CDC42: variants seen among roughly 807,000 people sequenced by gnomAD.
CDC42 encodes cell division cycle 42.
A neutral mutation model predicts 20.8 loss-of-function variants in CDC42; 1 was observed. The observed-to-expected ratio is 0.05, with a 90% CI of 0.02 to 0.23. The LOEUF (loss-of-function observed/expected upper bound fraction) is 0.23, where lower values mean the gene tolerates loss of function less well. Ranked by LOEUF, CDC42 falls within the 10% of genes least tolerant of loss-of-function variation. The probability of loss-of-function intolerance (pLI) is 1.00; values close to 1 mark genes in which losing one functional copy is unlikely to be tolerated. For missense variants in CDC42, 49 were observed against 227.9 expected, an observed-to-expected ratio of 0.21 and a Z score of 5.05; for synonymous variants, 72 against 84.8, an observed-to-expected ratio of 0.85 and a Z score of 0.83.
chr1:22,071,105 G>A (rs972153228), intron 1 of CDC42, among the ~76,000 whole-genome samples: 13 of 145,896 alleles, frequency 8.9e-5, no homozygotes, highest in South Asian at 2.2e-4. Flanking sequence ...GTGCAGTGGC[G>A]CGGTCTCGGC....
intron 5 of CDC42, among the ~76,000 whole-genome samples, chr1:22,088,498 G>A (rs1645684995): frequency 6.6e-6 from 1 of 152,180 alleles, no homozygotes; most frequent in Non-Finnish European, 1.5e-5. Flanking sequence ...AGTCAAAAGA[G>A]GGGAAGTTAG....
chr1:22,091,365 T>C, intron 5 of CDC42, 63 bp from the exon 6 acceptor site: 1 of 1,055,896 alleles, frequency 9.5e-7, no homozygotes, highest in Non-Finnish European at 1.4e-6. Context: ...GTTTTAAATT[T>C]GAACTCCAAC....
chr1:22,084,252 C>T (rs1328925597), intron 3 of CDC42, among the ~76,000 whole-genome samples: 1 of 149,972 alleles, frequency 6.7e-6, no homozygotes, highest in Non-Finnish European at 1.5e-5. Context: ...TTGTTTTCCA[C>T]AGTGGCTGTC....
At chr1:22,065,912 C>T (rs1645418135) in intron 1 of CDC42, among the ~76,000 whole-genome samples, 1 of 152,010 alleles carries the variant, frequency 6.6e-6, no homozygotes, top group South Asian at 2.1e-4. Flanking sequence ...GTGTGCGCCA[C>T]CATGCCTGGC....
chr1:22,069,029 G>T (rs1335682103), intron 1 of CDC42, among the ~76,000 whole-genome samples: 2 of 152,156 alleles, frequency 1.3e-5, no homozygotes, highest in Admixed American at 1.3e-4. Flanking sequence ...GAATTGTGGG[G>T]TGTGCCTACG....
intron 1 of CDC42, among the ~76,000 whole-genome samples, chr1:22,068,065 G>A (rs1015218771): frequency 6.6e-6 from 1 of 152,078 alleles, no homozygotes; most frequent in African/African-American, 2.4e-5. Flanking sequence ...CTAGGTGACA[G>A]GGTGAGACCC....
At chr1:22,065,837 C>T (rs1263925841) in intron 1 of CDC42, among the ~76,000 whole-genome samples, 3 of 152,138 alleles carry the variant, frequency 2.0e-5, no homozygotes, top group African/African-American at 7.2e-5. Context: ...TCTCAGCTCA[C>T]TGCAACCTCC....
intron 1 of CDC42, among the ~76,000 whole-genome samples, chr1:22,077,762 T>C (rs1232095025): frequency 6.6e-6 from 1 of 152,230 alleles, no homozygotes; most frequent in African/African-American, 2.4e-5. Context: ...AGGAGGACTC[T>C]AGTAAGAGAA....
chr1:22,081,467 CCT>C (rs1479952673), intron 2 of CDC42, among the ~76,000 whole-genome samples: 2 of 152,204 alleles, frequency 1.3e-5, no homozygotes, highest in African/African-American at 4.8e-5. Context: ...TCCTGTGACA[CCT>C]CTAAACCTTC....
At chr1:22,088,517 G>A (rs1214994813) in intron 5 of CDC42, among the ~76,000 whole-genome samples, 1 of 152,202 alleles carries the variant, frequency 6.6e-6, no homozygotes, top group African/African-American at 2.4e-5. Flanking sequence ...AGAAAATGGG[G>A]TCTGTGGTTG....
intron 2 of CDC42, among the ~76,000 whole-genome samples, chr1:22,081,009 A>G (rs1387925501): frequency 6.6e-6 from 1 of 152,152 alleles, no homozygotes; most frequent in Non-Finnish European, 1.5e-5. Flanking sequence ...TCTCTACTAA[A>G]AATACAAAAA....
At chr1:22,086,007 G>A (rs911166781) in intron 3 of CDC42, among the ~76,000 whole-genome samples, 4 of 152,030 alleles carry the variant, frequency 2.6e-5, no homozygotes, top group African/African-American at 9.7e-5. Flanking sequence ...CACCACACCC[G>A]GCTAATTTTT....
In CDC42 at chr1:22,087,169, C is replaced by T. The variant is rs10917146; in HGVS notation, c.486+303C>T. Among the ~76,000 whole-genome samples the T allele has an allele frequency of 1.5e-4, 23 of 151,810 alleles. No homozygotes were observed. In the South Asian group the frequency reaches 4.2e-3, roughly 28 times the overall value. ...CAGATAAGCATAAACTTGCAAGAGA[C>T]GATGTGAATGATTTTTTTTTTTTCT... On this transcript the variant is annotated intron_variant, in intron 5 of 5. Transcript: ENST00000656825.
chr1:22,063,554 A>G, intron 1 of CDC42, among the ~76,000 whole-genome samples: 1 of 152,128 alleles, frequency 6.6e-6, no homozygotes, highest in East Asian at 1.9e-4. Flanking sequence ...TTGTGTCCTA[A>G]TTAGATAGAG....
chr1:22,089,930 C>T, intron 5 of CDC42: 4 of 1,612,806 alleles, frequency 2.5e-6, no homozygotes, highest in Non-Finnish European at 3.4e-6. Flanking sequence ...CTCTCCTCCC[C>T]TCTGTCTTGT....
chr1:22,072,032 T>C (rs1645497242), intron 1 of CDC42, among the ~76,000 whole-genome samples: 1 of 151,530 alleles, frequency 6.6e-6, no homozygotes, highest in East Asian at 1.9e-4. Flanking sequence ...CCATGGCCCT[T>C]CTTAGGTTTG....
chr1:22,088,710 T>A (rs1645687100), intron 5 of CDC42, among the ~76,000 whole-genome samples: 1 of 152,222 alleles, frequency 6.6e-6, no homozygotes, highest in Non-Finnish European at 1.5e-5. Flanking sequence ...CACTCCAGTT[T>A]CTAATAGTCC....
chr1:22,061,536 T>G (rs866262527), intron 1 of CDC42, among the ~76,000 whole-genome samples: 9 of 7,170 alleles, frequency 1.3e-3, no homozygotes, highest in Admixed American at 3.9e-3. Flanking sequence ...TTCTTTCTTT[T>G]TTTTTTTTTT....
At chr1:22,070,928 G>A (rs1013799462) in intron 1 of CDC42, among the ~76,000 whole-genome samples, 2 of 152,076 alleles carry the variant, frequency 1.3e-5, no homozygotes, top group Non-Finnish European at 2.9e-5. Flanking sequence ...TGGCAAAACT[G>A]CTGGCAAGTG....
Sources: gnomAD v4.1 joint callset for allele counts (sites outside exome capture counted in the v4.1 genomes callset) on GRCh38, gnomAD v4.1.1 for gene constraint, MANE v1.5 for transcripts, NCBI Gene and HGNC (gene_info 2026-07-23, HGNC 2026-07-21) for gene names.